The following PPARGC1A variants were observed in gnomAD, a reference collection of about 807,000 sequenced individuals.
The protein encoded by PPARGC1A is peroxisome proliferator-activated receptor gamma coactivator 1-alpha.
In PPARGC1A, 25 loss-of-function variants were observed where a neutral mutation model predicts 88.7. That is an observed-to-expected ratio of 0.28 (90% CI 0.21 to 0.39). The LOEUF (loss-of-function observed/expected upper bound fraction) is 0.39, where lower values mean the gene tolerates loss of function less well. Among genes scored for constraint, PPARGC1A ranks in the 10% least tolerant of loss-of-function variants. The probability of loss-of-function intolerance (pLI) is 1.00; values close to 1 mark genes in which losing one functional copy is unlikely to be tolerated. For synonymous variants in PPARGC1A, 363 were observed against 355.6 expected (o/e 1.02, Z -0.24); for missense variants, 880 against 968.7 (o/e 0.91, Z 1.22).
At chr4:24,300,695 T>A in the PPARGC1A span, among the ~76,000 whole-genome samples, 1 of 152,082 alleles carries the variant, frequency 6.6e-6, no homozygotes, top group Non-Finnish European at 1.5e-5. Flanking sequence ...CCAATTTCAT[T>A]TGGATCACCA....
upstream of PPARGC1A, among the ~76,000 whole-genome samples, chr4:23,907,386 C>T (rs1720172137): frequency 2.0e-5 from 3 of 152,126 alleles, no homozygotes; most frequent in South Asian, 4.1e-4. Context: ...CATTCATCAC[C>T]CTTTCTCGAT....
chr4:23,912,616 T>G, the PPARGC1A span, among the ~76,000 whole-genome samples: 1 of 152,086 alleles, frequency 6.6e-6, no homozygotes, highest in East Asian at 1.9e-4. Context: ...GAGTGAAAGC[T>G]GACGTTTCCT....
At chr4:23,974,330 A>T in the PPARGC1A span, among the ~76,000 whole-genome samples, 3 of 152,178 alleles carry the variant, frequency 2.0e-5, no homozygotes, top group Non-Finnish European at 4.4e-5. Flanking sequence ...TACCGACCAT[A>T]ACAATTGCTG....
chr4:23,808,952 T>A (rs991220527), intron 10 of PPARGC1A, among the ~76,000 whole-genome samples: 5 of 151,380 alleles, frequency 3.3e-5, no homozygotes, highest in Non-Finnish European at 5.9e-5. Flanking sequence ...TTCTGAAGGT[T>A]TTTTTTTTCA....
At chr4:24,272,424 A>G in the PPARGC1A span, among the ~76,000 whole-genome samples, 1,235 of 152,254 alleles carry the variant, frequency 8.1e-3, 45 homozygotes, top group Admixed American at 0.066. Context: ...TGCAAGTGCC[A>G]TGAAATTCCC....
At chr4:24,427,105 C>T in the PPARGC1A span, among the ~76,000 whole-genome samples, 1 of 152,150 alleles carries the variant, frequency 6.6e-6, no homozygotes. Flanking sequence ...TGAGAATTAA[C>T]TGCTTTGTAG....
At chr4:23,873,750 A>G (rs867436120) in intron 2 of PPARGC1A, among the ~76,000 whole-genome samples, 14 of 152,338 alleles carry the variant, frequency 9.2e-5, no homozygotes, top group Middle Eastern at 3.4e-3. Flanking sequence ...GAGTATAGTT[A>G]GAGAATTTCA....
the PPARGC1A span, among the ~76,000 whole-genome samples, chr4:24,322,287 A>AT: frequency 6.6e-6 from 1 of 152,220 alleles, no homozygotes; most frequent in Non-Finnish European, 1.5e-5. Context: ...GTTGAAGAGT[A>AT]TTTTTTAAAA....
chr4:23,953,442 A>C, the PPARGC1A span, among the ~76,000 whole-genome samples: 1 of 152,122 alleles, frequency 6.6e-6, no homozygotes, highest in Non-Finnish European at 1.5e-5. Flanking sequence ...ATTATGGAAC[A>C]ATGTTGGATT....
the PPARGC1A span, among the ~76,000 whole-genome samples, chr4:24,172,386 T>A: frequency 1.3e-5 from 2 of 152,236 alleles, no homozygotes; most frequent in Non-Finnish European, 2.9e-5. Flanking sequence ...ACTGAGCATC[T>A]ACTTTGTGTG....
the PPARGC1A span, among the ~76,000 whole-genome samples, chr4:24,097,844 C>T: frequency 1.1e-4 from 16 of 152,232 alleles, no homozygotes; most frequent in Non-Finnish European, 2.2e-4. Context: ...CAGTGACACC[C>T]ATGGTTTTAT....
chr4:24,345,539 A>G, the PPARGC1A span, among the ~76,000 whole-genome samples: 2 of 151,934 alleles, frequency 1.3e-5, no homozygotes, highest in Non-Finnish European at 2.9e-5. Flanking sequence ...TGTTTTTTGC[A>G]GCTATTGTAA....
At chr4:23,916,835 TCTCA>T in the PPARGC1A span, among the ~76,000 whole-genome samples, 3 of 152,210 alleles carry the variant, frequency 2.0e-5, no homozygotes, top group East Asian at 1.9e-4. Flanking sequence ...GAAGGTCTTC[TCTCA>T]CTATTTCTTT....
At chr4:23,827,469 T>C (rs945981496) in intron 5 of PPARGC1A, among the ~76,000 whole-genome samples, 1 of 152,110 alleles carries the variant, frequency 6.6e-6, no homozygotes, top group African/African-American at 2.4e-5. Context: ...TGGTGTGTTA[T>C]AATATGCCTA....
At chr4:24,231,272 G>A in the PPARGC1A span, among the ~76,000 whole-genome samples, 4 of 152,286 alleles carry the variant, frequency 2.6e-5, no homozygotes, top group Admixed American at 6.5e-5. Context: ...CAGAAGAGAC[G>A]CGGTAGTTGG....
the PPARGC1A span, among the ~76,000 whole-genome samples, chr4:24,058,673 A>G: frequency 1.3e-5 from 2 of 152,324 alleles, no homozygotes; most frequent in African/African-American, 4.8e-5. Context: ...ATGGCTAGGC[A>G]GTGTGGCTCA....
chr4:23,853,633 C>A (rs998313594), intron 2 of PPARGC1A, among the ~76,000 whole-genome samples: 1 of 152,108 alleles, frequency 6.6e-6, no homozygotes, highest in South Asian at 2.1e-4. Flanking sequence ...AAACCCTTAT[C>A]CTTTATACTC....
At chr4:24,232,863 T>C in the PPARGC1A span, among the ~76,000 whole-genome samples, 3 of 152,212 alleles carry the variant, frequency 2.0e-5, no homozygotes, top group African/African-American at 7.2e-5. Flanking sequence ...TTTTGGCTAA[T>C]TAGCAGCTTC....
chr4:23,802,676 CAAAAAAA>C (rs397823520), intron 10 of PPARGC1A, among the ~76,000 whole-genome samples: 2 of 26,130 alleles, frequency 7.7e-5, no homozygotes, highest in African/African-American at 1.2e-4. Context: ...GACTCCATCT[CAAAAAAA>C]AAAAAAAAAA....
Sources: gnomAD v4.1 joint callset for allele counts (sites outside exome capture counted in the v4.1 genomes callset) on GRCh38, gnomAD v4.1.1 for gene constraint, MANE v1.5 for transcripts, NCBI Gene and HGNC (gene_info 2026-07-23, HGNC 2026-07-21) for gene names.